Variants in KDM5A observed in about 807,000 individuals in gnomAD.
KDM5A encodes the protein lysine demethylase 5A, also known as lysine-specific demethylase 5A.
A neutral mutation model predicts 193.5 loss-of-function variants in KDM5A; 42 were observed. The ratio of observed to expected loss-of-function variants is 0.22; its 90% CI spans 0.17 to 0.28. KDM5A has a LOEUF of 0.28. KDM5A is among the 10% of genes least tolerant of loss of function. The probability of loss-of-function intolerance (pLI) is 1.00; values close to 1 mark genes in which losing one functional copy is unlikely to be tolerated. For synonymous variants in KDM5A, 796 were observed against 718.1 expected (o/e 1.11, Z -1.73); for missense variants, 1,692 against 2,055.1 (o/e 0.82, Z 3.42).
intron 5 of KDM5A, among the ~76,000 whole-genome samples, chr12:361,184 C>A (rs1395624120): frequency 1.3e-5 from 2 of 151,314 alleles, no homozygotes; most frequent in Non-Finnish European, 2.9e-5. Context: ...GCATTCCATG[C>A]AGCACCCCCC....
intron 2 of KDM5A, among the ~76,000 whole-genome samples, chr12:384,625 G>A (rs1359079448): frequency 6.6e-6 from 1 of 152,092 alleles, no homozygotes; most frequent in Non-Finnish European, 1.5e-5. Flanking sequence ...TAATAAAGAG[G>A]CAAAAGACTT....
chr12:386,203 G>T (rs973839815), intron 1 of KDM5A, among the ~76,000 whole-genome samples: 4 of 152,134 alleles, frequency 2.6e-5, no homozygotes, highest in Non-Finnish European at 5.9e-5. Context: ...TTGGATTTCA[G>T]ATTTTTCCAT....
At chr12:313,353 C>T (rs1943612911) in intron 19 of KDM5A, among the ~76,000 whole-genome samples, 159 bp from the exon 20 acceptor site, 1 of 152,062 alleles carries the variant, frequency 6.6e-6, no homozygotes, top group Non-Finnish European at 1.5e-5. Flanking sequence ...TTCCATCTTA[C>T]AGATAAGAAA....
intron 24 of KDM5A, among the ~76,000 whole-genome samples, chr12:302,733 A>T (rs1943459287): frequency 6.6e-6 from 1 of 152,270 alleles, no homozygotes; most frequent in Non-Finnish European, 1.5e-5. Context: ...GTGAACAGGC[A>T]ACCTACGGAA....
chr12:334,117 G>T, intron 11 of KDM5A, 124 bp downstream of exon 11: 1 of 894,618 alleles, frequency 1.1e-6, no homozygotes, highest in Non-Finnish European at 1.7e-6. Context: ...ATAGGCCAAG[G>T]CTAGAAATTA....
Position 389,270 on chromosome 12 carries a change from C to A in KDM5A, c.-179G>T, listed in dbSNP as rs943219937. The A allele has an allele frequency of 4.1e-6, 3 of 732,038 alleles. No homozygotes were observed. Among genetic ancestry groups the A allele is most frequent in the Non-Finnish European group, 7.3e-6 (3 of 410,702 alleles). 45.3% of individuals were successfully genotyped at this position (732,038 alleles called of 1,614,324 possible). On this transcript the variant is annotated 5_prime_UTR_variant, in exon 1 of 28. Transcript: ENST00000399788. ...TCCTCCCGTTTGTTATTGTTTCTTG[C>A]AAGGCTTTTCCACTGAGGTTCAGGA...
chr12:381,391 C>G (rs1262934782), intron 3 of KDM5A, among the ~76,000 whole-genome samples: 7 of 152,098 alleles, frequency 4.6e-5, no homozygotes, highest in Non-Finnish European at 8.8e-5. Context: ...GGATTACAGG[C>G]ATGAGCCACA....
chr12:318,561 CTT>C (rs1387902133), intron 18 of KDM5A, 100 bp from the exon 19 acceptor site: 6 of 800,008 alleles, frequency 7.5e-6, no homozygotes, highest in Non-Finnish European at 1.1e-5. Flanking sequence ...ATTCTAGACT[CTT>C]ATAATCTCAC....
intron 6 of KDM5A, 44 bp downstream of exon 6, chr12:356,388 A>C (rs755976391): frequency 1.7e-6 from 2 of 1,181,328 alleles, no homozygotes. Flanking sequence ...TTTTACAATC[A>C]TATTCTACCT....
chr12:331,194 T>C (rs1003062773), intron 13 of KDM5A, among the ~76,000 whole-genome samples: 1 of 152,140 alleles, frequency 6.6e-6, no homozygotes, highest in Non-Finnish European at 1.5e-5. Flanking sequence ...TTTGAAAATA[T>C]GGTAGAATAC....
chr12:323,743 A>G lies in KDM5A; in HGVS notation c.2007T>C (p.Val669=). Residue 669 remains valine, a synonymous_variant, in exon 15 of 28, where the codon GTT becomes GTC. Coordinates refer to ENST00000399788, the MANE Select transcript of KDM5A (RefSeq NM_001042603.3). ...LMSEEEVFEL[V]PDDERQCSAC... is the part of the protein sequence containing the mutation. ...CTGAACACTGCCGCTCATCATCAGG[A>G]ACAAGTTCAAACACTTCTTCTTCTG... The G allele has an allele frequency of 1.9e-6, 3 of 1,614,078 alleles. No individual in the cohort carries two copies. The highest frequency in any genetic ancestry group is 2.5e-6 in the Non-Finnish European group (3 of 1,179,938).
intron 8 of KDM5A, among the ~76,000 whole-genome samples, chr12:353,504 T>G (rs912060177): frequency 6.6e-6 from 1 of 152,178 alleles, no homozygotes; most frequent in African/African-American, 2.4e-5. Flanking sequence ...ATATTTATTC[T>G]AAGTCAAGTC....
intron 2 of KDM5A, among the ~76,000 whole-genome samples, chr12:384,620 A>G (rs1177788873): frequency 6.6e-6 from 1 of 152,266 alleles, no homozygotes; most frequent in Non-Finnish European, 1.5e-5. Context: ...GCCAATAATA[A>G]AGAGGCAAAA....
At chr12:309,293 T>C (rs184540053) in intron 22 of KDM5A, among the ~76,000 whole-genome samples, 2 of 152,360 alleles carry the variant, frequency 1.3e-5, no homozygotes, top group African/African-American at 4.8e-5. Context: ...TTCGTTTTTA[T>C]TACTCTTTCT....
chr12:348,546 C>T lies in KDM5A; in HGVS notation c.1308+2075G>A, dbSNP rs141328173. 5.3e-3 allele frequency among the ~76,000 whole-genome samples: 806 copies of T among 152,172 alleles called. 4 individuals carry two copies. Among genetic ancestry groups the T allele is most frequent in the African/African-American group, 0.016 (671 of 41,476 alleles). ...TCAATGATAGACTGGATTAAGAAAACGTGGCACATATACACCATGGAATAT... is the reference window on the plus strand; with the variant it reads ...TCAATGATAGACTGGATTAAGAAAATGTGGCACATATACACCATGGAATAT... On this transcript the variant is annotated intron_variant, in intron 10 of 27. Coordinates refer to ENST00000399788, the MANE Select transcript of KDM5A (RefSeq NM_001042603.3).
chr12:340,104 C>T (rs1943981640), intron 10 of KDM5A, among the ~76,000 whole-genome samples: 2 of 152,026 alleles, frequency 1.3e-5, no homozygotes, highest in South Asian at 4.2e-4. Flanking sequence ...TCTGGACCTC[C>T]TAGACTCAAA....
chr12:320,042 G>C (rs919963450), intron 18 of KDM5A, among the ~76,000 whole-genome samples: 5 of 152,260 alleles, frequency 3.3e-5, no homozygotes, highest in Middle Eastern at 6.8e-3. Flanking sequence ...AAGAGAAGAA[G>C]AACTGCCAAT....
At chr12:356,285 T>C (rs1944228443) in intron 6 of KDM5A, 147 bp downstream of exon 6, 2 of 654,038 alleles carry the variant, frequency 3.1e-6, no homozygotes, top group African/African-American at 1.8e-5. Flanking sequence ...GATCTGGCAT[T>C]AAAAAAGGCG....
In KDM5A at chr12:354,110, T is replaced by A; in HGVS notation, c.995A>T (p.Lys332Ile). 1.2e-6 allele frequency: 2 copies of A among 1,613,892 alleles called. No homozygotes were observed. Among genetic ancestry groups the A allele is most frequent in the Non-Finnish European group, 1.7e-6 (2 of 1,179,842 alleles). Residue 332 changes from lysine (K) to isoleucine (I), a missense_variant, in exon 8 of 28, where the codon AAA (lysine) becomes ATA (isoleucine). By Grantham distance (102) the Lys-to-Ile change is moderately radical. This residue lies in a region of KDM5A where 62 missense variants were observed against 107.1 expected (regional missense o/e 0.58). Coordinates refer to ENST00000399788, the MANE Select transcript of KDM5A (RefSeq NM_001042603.3). The part of the protein sequence containing the change: ...CLIPPLPDVP[K>I]GDWRCPKCVA... ...ACATTTAGGACACCTCCAGTCTCCT[T>A]TGGGCACATCAGGTAGTGGAGGAAT...
Sources: allele counts gnomAD v4.1 joint callset (sites outside exome capture counted in the v4.1 genomes callset), GRCh38; gene constraint gnomAD v4.1.1; regional missense constraint gnomAD v4.1.1; transcripts MANE v1.5; gene names NCBI Gene and HGNC (gene_info 2026-07-23, HGNC 2026-07-21).